The following TMPRSS5 variants were observed in gnomAD, a reference collection of about 807,000 sequenced individuals.
TMPRSS5 encodes the protein transmembrane serine protease 5, also known as transmembrane protease serine 5.
A neutral mutation model predicts 59.7 loss-of-function variants in TMPRSS5; 45 were observed. The ratio of observed to expected loss-of-function variants is 0.75; its 90% CI spans 0.59 to 0.97. The LOEUF (loss-of-function observed/expected upper bound fraction) is 0.97, where lower values mean the gene tolerates loss of function less well. Among genes scored for constraint, TMPRSS5 ranks in the 50% least tolerant of loss-of-function variants. The pLI is 0.00. For synonymous variants in TMPRSS5, 225 were observed against 232.0 expected, an observed-to-expected ratio of 0.97 and a Z score of 0.27; for missense variants, 585 against 596.7, an observed-to-expected ratio of 0.98 and a Z score of 0.20.
At chr11:113,695,554 A>G in intron 6 of TMPRSS5, 111 bp from the exon 7 acceptor site, 2 of 1,070,302 alleles carry the variant, frequency 1.9e-6, no homozygotes, top group Non-Finnish European at 2.8e-6. Flanking sequence ...ACAGTTCTTA[A>G]GGCTGTCATG....
At chr11:113,690,174 C>CT in intron 11 of TMPRSS5, 57 bp downstream of exon 11, 6 of 770,508 alleles carry the variant, frequency 7.8e-6, no homozygotes, top group South Asian at 1.7e-5. Flanking sequence ...AGCAGGCCCC[C>CT]TGCCCTCCCA....
In TMPRSS5 at chr11:113,690,397, T is replaced by C. The variant is rs201619546; in HGVS notation, c.1064-24A>G. ...AGCTATGAGAGACACCGAGAAAAAC[T>C]GCAGGGCACAAAGCAAGGCCCAGGC... On this transcript the variant is annotated intron_variant, in intron 10 of 12. Coordinates refer to ENST00000299882, the MANE Select transcript of TMPRSS5 (RefSeq NM_030770.4). The C allele has an allele frequency of 2.5e-6, 4 of 1,589,052 alleles. No individual in the cohort carries two copies. The East Asian group carries it at 6.8e-5, about 27-fold the overall frequency.
intron 8 of TMPRSS5, 77 bp from the exon 9 acceptor site, chr11:113,693,326 A>G: frequency 4.2e-6 from 6 of 1,416,952 alleles, no homozygotes; most frequent in Non-Finnish European, 5.5e-6. Context: ...AGGTGGAGGA[A>G]GCTGGCCAGA....
intron 10 of TMPRSS5, 150 bp from the exon 11 acceptor site, chr11:113,690,523 A>T (rs1345571625): frequency 3.2e-6 from 4 of 1,252,350 alleles, no homozygotes; most frequent in Non-Finnish European, 4.3e-6. Flanking sequence ...GCAAGGAAGC[A>T]GTAGGCTATC....
At chr11:113,693,019 G>A (rs978224748) in intron 9 of TMPRSS5, 52 bp downstream of exon 9, 10 of 773,068 alleles carry the variant, frequency 1.3e-5, no homozygotes, top group East Asian at 3.8e-5. Flanking sequence ...CCCAGCCCCC[G>A]CCCTCTCTCG....
chr11:113,700,027 C>A (rs1419271714), intron 2 of TMPRSS5, 39 bp downstream of exon 2: 3 of 1,551,918 alleles, frequency 1.9e-6, no homozygotes, highest in Non-Finnish European at 2.6e-6. Flanking sequence ...CCTCCACTGT[C>A]CCCACCCTGT....
intron 5 of TMPRSS5, 137 bp downstream of exon 5, chr11:113,697,146 G>T (rs1952951479): frequency 2.2e-6 from 3 of 1,351,202 alleles, no homozygotes; most frequent in Non-Finnish European, 3.1e-6. Context: ...TGTGCCCAGA[G>T]GCCAGAAGAT....
chr11:113,703,757 C>T (rs1438609803), intron 1 of TMPRSS5, among the ~76,000 whole-genome samples: 1 of 152,138 alleles, frequency 6.6e-6, no homozygotes. Flanking sequence ...AAGGGGATTT[C>T]CCCCTTTACT....
At chr11:113,698,606 T>C (rs920595472) in intron 4 of TMPRSS5, among the ~76,000 whole-genome samples, 1 of 152,042 alleles carries the variant, frequency 6.6e-6, no homozygotes, top group Non-Finnish European at 1.5e-5. Flanking sequence ...ACACACCTGA[T>C]CCCTCCTCCC....
chr11:113,705,190 A>T (rs114094641), intron 1 of TMPRSS5, among the ~76,000 whole-genome samples: 155 of 152,228 alleles, frequency 1.0e-3, no homozygotes, highest in African/African-American at 3.6e-3. Context: ...CTTAAATGTG[A>T]TTTTCATGTG....
chr11:113,699,027 A>ACTT lies in TMPRSS5; in HGVS notation c.206-3_206-1dup (p.Leu68_Val69insGlu). ...AGAGGCAGCAGGACACAGATACAGC[A>ACTT]CTTTAGAGAAGAACAAAGAGAAAGG... is the stretch of plus-strand genomic sequence containing the variant. On this transcript the variant is annotated inframe_insertion and splice_region_variant. Transcript: ENST00000299882. 6.2e-7 allele frequency: 1 copy of ACTT among 1,611,496 alleles called. No homozygotes were observed. The highest frequency in any genetic ancestry group is 1.1e-5 in the South Asian group (1 of 90,126).
chr11:113,690,815 A>C, intron 10 of TMPRSS5, 26 bp downstream of exon 10: 1 of 1,550,048 alleles, frequency 6.5e-7, no homozygotes, highest in Non-Finnish European at 8.8e-7. Flanking sequence ...CCGCCCCTGC[A>C]CCGAGGGCCC....
At chr11:113,697,595 C>A (rs921063405) in intron 4 of TMPRSS5, among the ~76,000 whole-genome samples, 177 bp from the exon 5 acceptor site, 5 of 152,144 alleles carry the variant, frequency 3.3e-5, no homozygotes, top group Admixed American at 6.5e-5. Flanking sequence ...GCAGTATCAC[C>A]CCTTTTGGTA....
At chr11:113,691,606 A>T (rs1952780405) in intron 9 of TMPRSS5, among the ~76,000 whole-genome samples, 1 of 152,178 alleles carries the variant, frequency 6.6e-6, no homozygotes, top group Non-Finnish European at 1.5e-5. Context: ...TAAGTAACAT[A>T]GGTTCTCTAG....
At chr11:113,703,709 G>C (rs1222735046) in intron 1 of TMPRSS5, among the ~76,000 whole-genome samples, 1 of 152,196 alleles carries the variant, frequency 6.6e-6, no homozygotes, top group Non-Finnish European at 1.5e-5. Context: ...CTATTCTCAT[G>C]ATAGTGAGTG....
intron 4 of TMPRSS5, chr11:113,698,702 T>C: frequency 4.9e-6 from 3 of 613,430 alleles, no homozygotes; most frequent in Non-Finnish European, 8.3e-6. Context: ...CAGCTAGAGA[T>C]CAGGACAGTC....
chr11:113,699,806 T>G (rs1320224399), intron 2 of TMPRSS5, 113 bp from the exon 3 acceptor site: 2 of 1,388,792 alleles, frequency 1.4e-6, no homozygotes, highest in East Asian at 5.0e-5. Context: ...ACAGGACACC[T>G]CCTCCTGCCC....
chr11:113,702,109 A>C (rs1953155398), intron 1 of TMPRSS5, among the ~76,000 whole-genome samples: 1 of 152,220 alleles, frequency 6.6e-6, no homozygotes, highest in Non-Finnish European at 1.5e-5. Flanking sequence ...GTCCCTGCAG[A>C]GGACATTATC....
intron 6 of TMPRSS5, among the ~76,000 whole-genome samples, chr11:113,695,830 T>G (rs891819984): frequency 6.6e-6 from 1 of 152,094 alleles, no homozygotes; most frequent in South Asian, 2.1e-4. Flanking sequence ...GTGACTAGGG[T>G]TCTTCACCCC....
Sources: gnomAD v4.1 joint callset for allele counts (sites outside exome capture counted in the v4.1 genomes callset) on GRCh38, gnomAD v4.1.1 for gene constraint, MANE v1.5 for transcripts, NCBI Gene and HGNC (gene_info 2026-07-23, HGNC 2026-07-21) for gene names.